Variants in KIF1A observed in about 807,000 individuals in gnomAD.
The protein encoded by KIF1A is kinesin family member 1A.
In KIF1A, 46 loss-of-function variants were observed where a neutral mutation model predicts 227.3. That is an observed-to-expected ratio of 0.20 (90% confidence interval 0.16 to 0.26). The LOEUF (loss-of-function observed/expected upper bound fraction) is 0.26. Among genes scored for constraint, KIF1A ranks in the 10% least tolerant of loss-of-function variants. The pLI, the probability that KIF1A is intolerant of heterozygous loss-of-function variation, is 1.00. For missense variants in KIF1A, 1,683 were observed against 2,485.9 expected, an observed-to-expected ratio of 0.68 and a Z score of 6.87; for synonymous variants, 1,022 against 1,012.8, an observed-to-expected ratio of 1.01 and a Z score of -0.17.
At chr2:240,720,135 G>A (rs1235453205) in intron 45 of KIF1A, 2 of 460,130 alleles carry the variant, frequency 4.3e-6, no homozygotes, top group East Asian at 3.6e-5. Context: ...GCTGGGCTTG[G>A]TGGGCAGGGT....
chr2:240,729,246 C>G (rs1242200162), intron 38 of KIF1A, among the ~76,000 whole-genome samples: 1 of 152,192 alleles, frequency 6.6e-6, no homozygotes, highest in Non-Finnish European at 1.5e-5. Context: ...GCTGGACCCT[C>G]TGTCTTCTGC....
At chr2:240,755,446 G>C (rs1486116590) in intron 27 of KIF1A, among the ~76,000 whole-genome samples, 1 of 152,168 alleles carries the variant, frequency 6.6e-6, no homozygotes, top group Non-Finnish European at 1.5e-5. Flanking sequence ...GACAAGAGTG[G>C]GTGCCCCAAT....
chr2:240,798,642 G>C (rs2056660433), intron 1 of KIF1A, among the ~76,000 whole-genome samples: 1 of 152,188 alleles, frequency 6.6e-6, no homozygotes, highest in Non-Finnish European at 1.5e-5. Flanking sequence ...TCTGAGGAAG[G>C]CTGATGAAAA....
rs765564119 is a variant in KIF1A, at chr2:240,766,970, G to A, written c.1629C>T (p.His543=). ...AGACGCAGTGCTCCTCCTTGATGAA[G>A]TGCCCACTCAGAACAATGTCCTGCC... ...ERRQDIVLSG[H]FIKEEHCVFR... is the part of the protein sequence containing the mutation. Residue 543 remains histidine (H), a synonymous_variant, in exon 19 of 49, where the codon CAC becomes CAT. Coordinates refer to ENST00000498729, the MANE Select transcript of KIF1A (RefSeq NM_001244008.2). The surrounding 1 kb of genome is among the most constrained non-coding windows in gnomAD (Gnocchi z 5.0). 3.7e-6 allele frequency: 6 copies of A among 1,612,428 alleles called. No homozygotes were observed. The highest frequency in any genetic ancestry group is 1.1e-5 in the South Asian group (1 of 90,852).
chr2:240,725,500 C>A lies in KIF1A; in HGVS notation c.4123-96G>T. On this transcript the variant is annotated intron_variant, in intron 39 of 48. Coordinates refer to ENST00000498729, the MANE Select transcript of KIF1A (RefSeq NM_001244008.2). The surrounding 1 kb of genome is among the most constrained non-coding windows in gnomAD (Gnocchi z 5.8). Reference sequence around the variant, plus strand: ...CTGGGGGCACAATGCCCAGCACCGACAGGCAGCCCCAGGGCCTTCCCAGGG... The same window carrying A: ...CTGGGGGCACAATGCCCAGCACCGAAAGGCAGCCCCAGGGCCTTCCCAGGG... 1 of 1,364,722 alleles carries A rather than the reference C, an allele frequency of 7.3e-7. No homozygotes were observed. The highest frequency in any genetic ancestry group is 1.3e-5 in the South Asian group (1 of 74,966). The allele number at this position is 1,364,722 out of a possible 1,614,324, so 84.5% of individuals were successfully genotyped here. A position where few individuals can be genotyped will look rare whatever the true frequency, so the allele number is the denominator to read the frequency against.
chr2:240,726,880 G>A lies in KIF1A; in HGVS notation c.4068C>T (p.Asn1356=), dbSNP rs1481460597. The change falls in exon 39 of 49, where the codon AAC becomes AAT. Residue 1356 remains asparagine, a synonymous_variant. Transcript: ENST00000498729. This position sits in a 1 kb window ranked among gnomAD's most constrained non-coding sequence, Gnocchi z 5.2. ...DSSMHNSLLL[N]RVTPYREKIY... is the part of the protein sequence containing the mutation. ...TTTTCTCTCGATAAGGGGTGACCCG[G>A]TTCAGCAGGAGAGAGTTGTGCATGG... 2.5e-6 allele frequency: 4 copies of A among 1,612,682 alleles called. No individual in the cohort carries two copies. The highest frequency in any genetic ancestry group is 1.7e-5 in the Admixed American group (1 of 59,954).
chr2:240,784,458 C>G (rs1264225645), intron 7 of KIF1A, among the ~76,000 whole-genome samples: 1 of 152,226 alleles, frequency 6.6e-6, no homozygotes, highest in South Asian at 2.1e-4. Flanking sequence ...CCCCAACCCA[C>G]CTCAGCCATC....
chr2:240,809,324 G>A (rs749603854), intron 1 of KIF1A, among the ~76,000 whole-genome samples: 5 of 152,204 alleles, frequency 3.3e-5, no homozygotes, highest in African/African-American at 7.2e-5. Flanking sequence ...AGGGCAACAC[G>A]CCCTATGATC....
At chr2:240,786,539 G>A (rs760593621) in intron 5 of KIF1A, 26 bp from the exon 6 acceptor site, 1 of 1,609,646 alleles carries the variant, frequency 6.2e-7, no homozygotes. Context: ...AGGCCATCAG[G>A]GGCCCCTGAG....
intron 37 of KIF1A, among the ~76,000 whole-genome samples, chr2:240,738,496 T>C (rs1179488503): frequency 2.6e-5 from 4 of 152,128 alleles, no homozygotes; most frequent in Admixed American, 2.0e-4. Flanking sequence ...AACAGTGAGA[T>C]TGGGTCCCAG....
intron 23 of KIF1A, among the ~76,000 whole-genome samples, chr2:240,762,292 G>A (rs2050625102): frequency 6.6e-6 from 1 of 152,242 alleles, no homozygotes; most frequent in African/African-American, 2.4e-5. Flanking sequence ...GGAATCCTGA[G>A]GTGATGTGCA....
chr2:240,808,443 G>A (rs927117525), intron 1 of KIF1A, among the ~76,000 whole-genome samples: 4 of 151,866 alleles, frequency 2.6e-5, no homozygotes, highest in African/African-American at 9.7e-5. Context: ...AGGATTGCTT[G>A]AGCCCAGGAA....
chr2:240,815,052 T>G (rs565938737), intron 1 of KIF1A, among the ~76,000 whole-genome samples: 2 of 152,342 alleles, frequency 1.3e-5, no homozygotes, highest in African/African-American at 2.4e-5. Flanking sequence ...CCTAGCCCAC[T>G]GCAGCCACTA....
intron 25 of KIF1A, among the ~76,000 whole-genome samples, chr2:240,760,401 T>C (rs1201264461): frequency 6.6e-6 from 1 of 152,256 alleles, no homozygotes; most frequent in Non-Finnish European, 1.5e-5. Context: ...CTAGGGAGCA[T>C]TCCCCTCATC....
intron 23 of KIF1A, 61 bp downstream of exon 23, chr2:240,762,658 C>T: frequency 1.4e-6 from 2 of 1,470,598 alleles, no homozygotes; most frequent in Middle Eastern, 2.0e-4. Context: ...AGGCCCAGGG[C>T]TGCCCACCTC....
At chr2:240,732,198 G>A (rs2046765763) in intron 38 of KIF1A, among the ~76,000 whole-genome samples, 1 of 122,590 alleles carries the variant, frequency 8.2e-6, no homozygotes, top group South Asian at 3.0e-4. Context: ...AGCGGTGGAG[G>A]GGATGAGGCG....
In KIF1A at chr2:240,744,023, A is replaced by G. The variant is rs2048306810; in HGVS notation, c.3503T>C (p.Ile1168Thr). Residue 1168 changes from isoleucine (I) to threonine (T), a missense_variant, in exon 33 of 49, where the codon ATC (isoleucine) becomes ACC (threonine). This residue lies in a region of KIF1A where 759 missense variants were observed against 1,020.2 expected (regional missense o/e 0.74). Coordinates refer to ENST00000498729, the MANE Select transcript of KIF1A (RefSeq NM_001244008.2). The stretch of plus-strand genomic sequence containing the variant: ...CTCGAAAACAATGGGCTGGCTCTTG[A>G]TGTACTCAATGAAGGACTTGGTCAC... ...VEVTKSFIEY[I>T]KSQPIVFEVF... 1.2e-6 allele frequency: 2 copies of G among 1,613,718 alleles called. No homozygotes were observed. The highest frequency in any genetic ancestry group is 1.7e-6 in the Non-Finnish European group (2 of 1,179,746).
chr2:240,765,930 A>G (rs2051114308), intron 19 of KIF1A, 137 bp from the exon 20 acceptor site: 6 of 662,546 alleles, frequency 9.1e-6, no homozygotes, highest in Admixed American at 7.7e-5. Flanking sequence ...GGCCGTGACC[A>G]TTGGCAACAC....
intron 38 of KIF1A, among the ~76,000 whole-genome samples, chr2:240,727,964 G>A (rs1244093319): frequency 2.0e-5 from 3 of 152,180 alleles, no homozygotes; most frequent in Non-Finnish European, 2.9e-5. Context: ...CAGACCCTGA[G>A]CAGCACGTTC....
Sources: gnomAD v4.1 joint callset for allele counts (sites outside exome capture counted in the v4.1 genomes callset) on GRCh38, gnomAD v4.1.1 for gene constraint, gnomAD v4.1.1 regional missense constraint, Gnocchi (gnomAD v3.1) non-coding constraint, MANE v1.5 for transcripts, NCBI Gene and HGNC (gene_info 2026-07-23, HGNC 2026-07-21) for gene names.